SPEF2: variants seen among roughly 807,000 people sequenced by gnomAD.
SPEF2 encodes the protein sperm flagella and cilia-associated protein 2.
In SPEF2, 187 loss-of-function variants were observed where a neutral mutation model predicts 224.6. The observed-to-expected ratio is 0.83, with a 90% CI of 0.74 to 0.94. The LOEUF (loss-of-function observed/expected upper bound fraction) is 0.94, where lower values mean the gene tolerates loss of function less well. Among genes scored for constraint, SPEF2 ranks in the 40% least tolerant of loss-of-function variants. The pLI is 0.00. For missense variants in SPEF2, 2,170 were observed against 2,135.6 expected (o/e 1.02, Z -0.32); for synonymous variants, 715 against 707.3 (o/e 1.01, Z -0.17).
At chr5:35,655,146 A>G (rs10472978) in intron 7 of SPEF2, among the ~76,000 whole-genome samples, 19,966 of 152,172 alleles carry the variant, frequency 0.13, 2,099 homozygotes, top group African/African-American at 0.29. Context: ...AGTCTATTCC[A>G]GTGGTTCTTT....
chr5:35,805,691 A>C (rs2149870239), intron 34 of SPEF2, among the ~76,000 whole-genome samples: 1 of 152,314 alleles, frequency 6.6e-6, no homozygotes, highest in Middle Eastern at 3.4e-3. Context: ...AGCACAAAGC[A>C]AAGGAAATTG....
Position 35,811,767 on chromosome 5 carries a change from C to CTTTTTTT in SPEF2, c.5380-2683_5380-2677dup, listed in dbSNP as rs1203514196. The stretch of plus-strand genomic sequence containing the variant: ...AAAGTAGTTGCAGTTTTTGCCATTA[C>CTTTTTTT]TTTTTTTTTTTTTTTTTTTTGAGAC... On this transcript the variant is annotated intron_variant, in intron 36 of 36. Transcript: ENST00000356031. 3.6e-4 allele frequency among the ~76,000 whole-genome samples: 42 copies of CTTTTTTT among 115,408 alleles called. 1 individual carries two copies. Among genetic ancestry groups the CTTTTTTT allele is most frequent in the African/African-American group, 1.4e-3 (39 of 27,560 alleles). The allele number at this position is 115,408 out of a possible 152,430, so 75.7% of individuals were successfully genotyped here. A position where few individuals can be genotyped will look rare whatever the true frequency, so the allele number is the denominator to read the frequency against.
chr5:35,636,891 G>A (rs983649713), intron 2 of SPEF2, among the ~76,000 whole-genome samples: 1 of 151,064 alleles, frequency 6.6e-6, no homozygotes, highest in South Asian at 2.1e-4. Flanking sequence ...CAGGAGAATC[G>A]CTTGAACCTG....
At chr5:35,686,455 C>G (rs1020555075) in intron 10 of SPEF2, among the ~76,000 whole-genome samples, 1 of 151,976 alleles carries the variant, frequency 6.6e-6, no homozygotes, top group Non-Finnish European at 1.5e-5. Context: ...TAAAGATCCT[C>G]AAGTGACTAC....
chr5:35,640,719 A>T (rs1445087672), intron 2 of SPEF2, among the ~76,000 whole-genome samples: 1 of 152,212 alleles, frequency 6.6e-6, no homozygotes, highest in Non-Finnish European at 1.5e-5. Context: ...ATAATACACT[A>T]AATATATCTT....
chr5:35,809,314 T>G (rs1455250906), intron 36 of SPEF2, among the ~76,000 whole-genome samples: 2 of 152,118 alleles, frequency 1.3e-5, no homozygotes, highest in Non-Finnish European at 2.9e-5. Context: ...TGCAAGATAA[T>G]TTTTACATGC....
At chr5:35,665,062 G>C (rs1750282796) in intron 8 of SPEF2, among the ~76,000 whole-genome samples, 1 of 151,996 alleles carries the variant, frequency 6.6e-6, no homozygotes, top group Non-Finnish European at 1.5e-5. Flanking sequence ...GCTTTACTTT[G>C]AGTCAAGCAT....
intron 2 of SPEF2, among the ~76,000 whole-genome samples, chr5:35,628,872 G>C (rs577139806): frequency 5.9e-4 from 89 of 152,058 alleles, no homozygotes; most frequent in African/African-American, 2.0e-3. Flanking sequence ...GATTACATGT[G>C]TGCACCCCCG....
chr5:35,691,111 C>A lies in SPEF2; in HGVS notation c.1599C>A (p.Gly533=). 6.2e-7 allele frequency: 1 copy of A among 1,614,022 alleles called. No individual in the cohort carries two copies. The highest frequency in any genetic ancestry group is 8.5e-7 in the Non-Finnish European group (1 of 1,179,980). ...CACCCTCCAACAATTGCATACTGGG[C>A]CATATTCTTCACAGGCTAGCTGAAA... ...NLPPSNNCIL[G]HILHRLAEKS... is the part of the protein sequence containing the mutation. The change falls in exon 11 of 37, where the codon GGC becomes GGA. Residue 533 remains glycine (G), a synonymous_variant. Coordinates refer to ENST00000356031, the MANE Select transcript of SPEF2 (RefSeq NM_024867.4).
intron 24 of SPEF2, among the ~76,000 whole-genome samples, chr5:35,759,123 T>C (rs115197720): frequency 1.8e-3 from 280 of 152,192 alleles, no homozygotes; most frequent in African/African-American, 6.6e-3. Context: ...GTGTTTTTTT[T>C]TGTATTTGTA....
At chr5:35,646,911 C>T (rs1260214343) in intron 5 of SPEF2, 104 bp downstream of exon 5, 4 of 1,222,518 alleles carry the variant, frequency 3.3e-6, no homozygotes, top group Non-Finnish European at 4.5e-6. Flanking sequence ...ATTTGCTTTC[C>T]AAATTATCTC....
At chr5:35,660,479 G>A (rs116812853) in intron 8 of SPEF2, among the ~76,000 whole-genome samples, 1,652 of 152,318 alleles carry the variant, frequency 0.011, 45 homozygotes, top group African/African-American at 0.039. Flanking sequence ...CATTTGGAAA[G>A]TAGCATATTT....
intron 23 of SPEF2, among the ~76,000 whole-genome samples, chr5:35,752,495 C>T (rs1749815974): frequency 6.6e-6 from 1 of 151,782 alleles, no homozygotes. Context: ...GGGGGTTTTG[C>T]CATGTTGACC....
At chr5:35,623,462 A>G (rs562315451) in intron 1 of SPEF2, among the ~76,000 whole-genome samples, 92 of 152,346 alleles carry the variant, frequency 6.0e-4, no homozygotes, top group South Asian at 3.5e-3. Flanking sequence ...TCCCTTACCT[A>G]AAAAATTCTA....
chr5:35,753,838 T>C, intron 24 of SPEF2, 77 bp downstream of exon 24: 4 of 1,568,546 alleles, frequency 2.6e-6, no homozygotes, highest in Non-Finnish European at 3.5e-6. Flanking sequence ...TGACACTTTC[T>C]TGGGAATATG....
intron 33 of SPEF2, among the ~76,000 whole-genome samples, chr5:35,796,881 A>G (rs904664797): frequency 2.6e-5 from 4 of 152,164 alleles, no homozygotes; most frequent in African/African-American, 9.7e-5. Context: ...AGAGTTACCC[A>G]AAAGTCCAAG....
At chr5:35,810,961 CA>C (rs1056477904) in intron 36 of SPEF2, among the ~76,000 whole-genome samples, 15 of 152,190 alleles carry the variant, frequency 9.9e-5, no homozygotes, top group Admixed American at 8.5e-4. Flanking sequence ...AGTAAACTAC[CA>C]CCCAGGGGAC....
intron 26 of SPEF2, among the ~76,000 whole-genome samples, chr5:35,766,995 A>G (rs1282806572): frequency 3.3e-5 from 5 of 151,818 alleles, no homozygotes; most frequent in Non-Finnish European, 7.4e-5. Flanking sequence ...TACTTGAAAT[A>G]TATTCATTTA....
chr5:35,767,193 A>G (rs999834008), intron 26 of SPEF2, among the ~76,000 whole-genome samples: 3 of 151,958 alleles, frequency 2.0e-5, no homozygotes, highest in Non-Finnish European at 2.9e-5. Context: ...TGCTTTATAT[A>G]TATTTGAGAC....
Sources: gnomAD v4.1 joint callset for allele counts (sites outside exome capture counted in the v4.1 genomes callset) on GRCh38, gnomAD v4.1.1 for gene constraint, MANE v1.5 for transcripts, NCBI Gene and HGNC (gene_info 2026-07-23, HGNC 2026-07-21) for gene names.